OR7G2: variants seen among roughly 807,000 people sequenced by gnomAD.
OR7G2 encodes olfactory receptor 7G2.
For missense variants in OR7G2, 362 were observed against 384.0 expected (o/e 0.94, Z 0.48); for synonymous variants, 153 against 152.2 (o/e 1.01, Z -0.04).
chr19:9,106,516 T>A lies in OR7G2; in HGVS notation c.-17+798A>T, dbSNP rs11879426. On this transcript the variant is annotated intron_variant, in intron 1 of 1. Coordinates refer to ENST00000641081, the MANE Select transcript of OR7G2 (RefSeq NM_001005193.2). Reference sequence around the variant, plus strand: ...AAAATATTTTTATTGCAATAAAGTGTGTATTTGAGGCTGGGCATGGTGGCT... The same window carrying A: ...AAAATATTTTTATTGCAATAAAGTGAGTATTTGAGGCTGGGCATGGTGGCT... 3.3e-5 allele frequency among the ~76,000 whole-genome samples: 5 copies of A among 151,154 alleles called. No homozygotes were observed. In the South Asian group the frequency reaches 1.0e-3, roughly 32 times the overall value.
chr19:9,104,774 C>A (rs1372380623), intron 1 of OR7G2, among the ~76,000 whole-genome samples: 1 of 151,186 alleles, frequency 6.6e-6, no homozygotes, highest in African/African-American at 2.4e-5. Context: ...TTGCAGTGAG[C>A]CGAGATCGCG....
intron 1 of OR7G2, among the ~76,000 whole-genome samples, chr19:9,105,907 G>C (rs560574285): frequency 2.7e-4 from 41 of 151,260 alleles, no homozygotes; most frequent in African/African-American, 9.7e-4. Context: ...AAAAAAAAGA[G>C]AGAAGGGAAG....
intron 1 of OR7G2, among the ~76,000 whole-genome samples, chr19:9,103,948 C>A (rs934934220): frequency 1.3e-5 from 2 of 149,580 alleles, no homozygotes; most frequent in Non-Finnish European, 3.0e-5. Context: ...TAGCTCACTG[C>A]AAGCTCCACC....
In OR7G2 at chr19:9,102,988, G is replaced by T. The variant is rs958892649; in HGVS notation, c.256C>A (p.Gln86Lys). Residue 86 changes from glutamine (Q) to lysine (K), a missense_variant, in exon 2 of 2, where the codon CAA becomes AAA. Physicochemically the swap from Gln to Lys is moderately conservative, Grantham distance 53. Coordinates refer to ENST00000641081, the MANE Select transcript of OR7G2 (RefSeq NM_001005193.2). ...TTIPKMLVNIQAQNRSITYSG... is the reference protein window; with the variant it reads ...TTIPKMLVNIKAQNRSITYSG... ...TACGTGATGCTCCGATTCTGAGCTT[G>T]GATGTTCACCAGCATCTTTGGGATC... 2 of 1,614,034 alleles carry T rather than the reference G, an allele frequency of 1.2e-6. No homozygotes were observed. Among genetic ancestry groups the T allele is most frequent in the African/African-American group, 2.7e-5 (2 of 74,932 alleles).
intron 1 of OR7G2, among the ~76,000 whole-genome samples, chr19:9,103,835 T>G: frequency 6.9e-6 from 1 of 144,578 alleles, no homozygotes; most frequent in Non-Finnish European, 1.5e-5. Context: ...GGCCCAGGAG[T>G]GGAGTTTTCT....
chr19:9,104,001 C>G (rs1944427802), intron 1 of OR7G2, among the ~76,000 whole-genome samples: 1 of 151,008 alleles, frequency 6.6e-6, no homozygotes, highest in African/African-American at 2.4e-5. Context: ...TCTCAAGTAG[C>G]TAGGGTTACA....
chr19:9,102,053 A>G lies in OR7G2; in HGVS notation c.*216T>C, dbSNP rs1417687175. 4 of 472,652 alleles carry G rather than the reference A, an allele frequency of 8.5e-6. No individual in the cohort carries two copies. The highest frequency in any genetic ancestry group is 1.5e-5 in the Non-Finnish European group (4 of 269,980). 29.3% of individuals were successfully genotyped at this position (472,652 alleles called of 1,614,324 possible). A position where few individuals can be genotyped will look rare whatever the true frequency, so the allele number is the denominator to read the frequency against. ...CTCTATCTCTACTAAAAATACAAAAATTAGCCAGGCATGGTGGCAGGCGCC... is the reference window on the plus strand; with the variant it reads ...CTCTATCTCTACTAAAAATACAAAAGTTAGCCAGGCATGGTGGCAGGCGCC... On this transcript the variant is annotated 3_prime_UTR_variant, in exon 2 of 2. Transcript: ENST00000641081.
rs1337030664 is a variant in OR7G2 at position 9,102,681 on chromosome 19, GTGAGTTGGA to G, written c.554_562del (p.Ile185_Leu187del). The G allele has an allele frequency of 6.2e-7, 1 of 1,614,048 alleles. No homozygotes were observed. On this transcript the variant is annotated inframe_deletion, in exon 2 of 2. Transcript: ENST00000641081. Reference sequence around the variant, plus strand: ...GTTATTGATGAGGGTGTCTGAACAGGTGAGTTGGATGACCTGAGCCAGTTCACAGAAGAA... The same window carrying G: ...GTTATTGATGAGGGTGTCTGAACAGGTGACCTGAGCCAGTTCACAGAAGAA...
intron 1 of OR7G2, among the ~76,000 whole-genome samples, chr19:9,106,760 T>C (rs1041596944): frequency 2.1e-5 from 3 of 145,626 alleles, no homozygotes; most frequent in Non-Finnish European, 3.0e-5. Flanking sequence ...AAAAAGTGCA[T>C]ATTTCAAAAC....
rs747140139 is a variant in OR7G2 at position 9,102,542 on chromosome 19, C to T, written c.702G>A (p.Lys234=). The T allele has an allele frequency of 6.2e-7, 1 of 1,614,182 alleles. No individual in the cohort carries two copies. ...ACCCACAGGTGGAAACTGCTTTGTGCTTTCCACTTGCTGATGGCATTCTCA... is the reference window on the plus strand; with the variant it reads ...ACCCACAGGTGGAAACTGCTTTGTGTTTTCCACTTGCTGATGGCATTCTCA... ...CVLRMPSASG[K]HKAVSTCGSH... Residue 234 remains lysine, a synonymous_variant, in exon 2 of 2, where the codon AAG becomes AAA. Coordinates refer to ENST00000641081, the MANE Select transcript of OR7G2 (RefSeq NM_001005193.2).
chr19:9,102,497 G>T lies in OR7G2; in HGVS notation c.747C>A (p.Leu249=). 2 of 1,614,112 alleles carry T rather than the reference G, an allele frequency of 1.2e-6. No individual in the cohort carries two copies. Among genetic ancestry groups the T allele is most frequent in the Non-Finnish European group, 8.5e-7 (1 of 1,179,984 alleles). Reference sequence around the variant, plus strand: ...CCCCCAAACCTGCCCCATAGAACAAGAGAACAATGGAGAGGTGAGACCCAC... The same window carrying T: ...CCCCCAAACCTGCCCCATAGAACAATAGAACAATGGAGAGGTGAGACCCAC... ...STCGSHLSIV[L]LFYGAGLGVY... is the part of the protein sequence containing the mutation. Residue 249 remains leucine, a synonymous_variant, in exon 2 of 2, where the codon CTC becomes CTA. Transcript: ENST00000641081.
Position 9,102,914 on chromosome 19 carries a change from C to T in OR7G2, c.330G>A (p.Leu110=). Residue 110 remains leucine (L), a synonymous_variant, in exon 2 of 2, where the codon TTG becomes TTA. Coordinates refer to ENST00000641081, the MANE Select transcript of OR7G2 (RefSeq NM_001005193.2). ...QICFVLFFAG[L]ENCLLAAMAY... is the part of the protein sequence containing the mutation. ...CCATTGCTGCAAGGAGACAATTTTC[C>T]AAGCCAGCAAAAAACAAGACAAAGC... The T allele has an allele frequency of 1.9e-6, 3 of 1,614,140 alleles. No individual in the cohort carries two copies. The highest frequency in any genetic ancestry group is 2.5e-6 in the Non-Finnish European group (3 of 1,180,028).
Position 9,102,193 on chromosome 19 carries a change from C to T in OR7G2, c.*76G>A. 1 of 1,345,448 alleles carries T rather than the reference C, an allele frequency of 7.4e-7. No homozygotes were observed. Among genetic ancestry groups the T allele is most frequent in the East Asian group, 2.3e-5 (1 of 43,330 alleles). The allele number at this position is 1,345,448 out of a possible 1,614,324, so 83.3% of individuals were successfully genotyped here. ...CTCCAGCCTGGGAGACAGAGAAAGA[C>T]TCCATCTCAGAGAAAAAAACAAAAC... On this transcript the variant is annotated 3_prime_UTR_variant, in exon 2 of 2. Coordinates refer to ENST00000641081, the MANE Select transcript of OR7G2 (RefSeq NM_001005193.2).
At chr19:9,105,529 T>C (rs1568299958) in intron 1 of OR7G2, among the ~76,000 whole-genome samples, 1 of 152,122 alleles carries the variant, frequency 6.6e-6, no homozygotes, top group Non-Finnish European at 1.5e-5. Context: ...AGGCTTTTAA[T>C]AAAATTCAAC....
At chr19:9,106,302 G>T (rs1320339839) in intron 1 of OR7G2, among the ~76,000 whole-genome samples, 3 of 151,690 alleles carry the variant, frequency 2.0e-5, no homozygotes, top group Non-Finnish European at 4.4e-5. Context: ...GTGCACGCCT[G>T]TAACCCCAGC....
Position 9,102,731 on chromosome 19 carries a change from G to A in OR7G2, c.513C>T (p.Asp171=), listed in dbSNP as rs774105020. ...CACAGAAGAAGAGCGGGATTTCCAG[G>A]TCTGTGCAGAAGGACAGCCTCAACA... The part of the protein sequence containing the change: ...LMVLRLSFCT[D]LEIPLFFCEL... The change falls in exon 2 of 2, where the codon GAC becomes GAT. Residue 171 remains aspartate, a synonymous_variant. Coordinates refer to ENST00000641081, the MANE Select transcript of OR7G2 (RefSeq NM_001005193.2). The A allele has an allele frequency of 6.2e-7, 1 of 1,614,006 alleles. No homozygotes were observed. Among genetic ancestry groups the A allele is most frequent in the Non-Finnish European group, 8.5e-7 (1 of 1,180,026 alleles).
At chr19:9,103,726 A>G (rs2050369551) in intron 1 of OR7G2, among the ~76,000 whole-genome samples, 1 of 150,972 alleles carries the variant, frequency 6.6e-6, no homozygotes. Context: ...TGGGGGTCTC[A>G]CCATGTTGGT....
chr19:9,103,170 G>T lies in OR7G2; in HGVS notation c.74C>A (p.Pro25His). The change falls in exon 2 of 2, where the codon CCC becomes CAC. Residue 25 changes from proline to histidine, a missense_variant. Physicochemically the swap from Pro to His is moderately conservative, Grantham distance 77. Coordinates refer to ENST00000641081, the MANE Select transcript of OR7G2 (RefSeq NM_001005193.2). ...GGACAGGAACAGGCTGAAAAGGACG[G>T]GCTGCAGTTCCGGATCCTCTATCAG... Reference protein sequence around the residue: ...LGLIEDPELQPVLFSLFLSMY... With the variant: ...LGLIEDPELQHVLFSLFLSMY... The T allele has an allele frequency of 6.2e-7, 1 of 1,614,102 alleles. No homozygotes were observed. Among genetic ancestry groups the T allele is most frequent in the Non-Finnish European group, 8.5e-7 (1 of 1,180,020 alleles).
Position 9,100,607 on chromosome 19 carries a change from A to C in OR7G2, c.*1662T>G, listed in dbSNP as rs1157806533. 6.6e-6 allele frequency: 1 copy of C among 152,184 alleles called. No homozygotes were observed. The highest frequency in any genetic ancestry group is 1.5e-5 in the Non-Finnish European group (1 of 68,030). The allele number at this position is 152,184 out of a possible 1,614,324, so 9.4% of individuals were successfully genotyped here. On this transcript the variant is annotated 3_prime_UTR_variant, in exon 2 of 2. Transcript: ENST00000641081. ...AGTTCAAATATCTCACAATAATCTC[A>C]AATCACTAAGATAATCTAATCATGC...
Sources: gnomAD v4.1 joint callset for allele counts (sites outside exome capture counted in the v4.1 genomes callset) on GRCh38, gnomAD v4.1.1 for gene constraint, MANE v1.5 for transcripts, NCBI Gene and HGNC (gene_info 2026-07-23, HGNC 2026-07-21) for gene names.